The following RARB variants were observed in gnomAD, a reference collection of about 807,000 sequenced individuals.
RARB encodes HBV-activated protein.
RARB carries 17 observed loss-of-function variants against 51.9 expected under a neutral mutation model. The observed-to-expected ratio is 0.33, with a 90% CI of 0.22 to 0.49. The LOEUF (loss-of-function observed/expected upper bound fraction) is 0.49. Among genes scored for constraint, RARB ranks in the 20% least tolerant of loss-of-function variants. RARB has a pLI of 0.99. For synonymous variants in RARB, 215 were observed against 195.4 expected (o/e 1.10, Z -0.84); for missense variants, 369 against 550.8 (o/e 0.67, Z 3.30).
At chr3:25,590,533 G>T (rs1701575187) in intron 5 of RARB, among the ~76,000 whole-genome samples, 1 of 152,114 alleles carries the variant, frequency 6.6e-6, no homozygotes, top group Non-Finnish European at 1.5e-5. Flanking sequence ...TGTGGTGGTG[G>T]TTGTTGAGAC....
At chr3:25,513,115 TA>T (rs11420573) in intron 3 of RARB, among the ~76,000 whole-genome samples, 159 of 98,496 alleles carry the variant, frequency 1.6e-3, no homozygotes, top group Non-Finnish European at 1.5e-3. Context: ...CTGTCTTTAC[TA>T]AAAAAAAAAA....
chr3:24,945,645 C>A (rs1420791414), intron 2 of RARB, among the ~76,000 whole-genome samples: 1 of 152,212 alleles, frequency 6.6e-6, no homozygotes, highest in African/African-American at 2.4e-5. Context: ...CTTGGCGATC[C>A]TCTTTGGCAA....
intron 2 of RARB, among the ~76,000 whole-genome samples, chr3:25,033,868 T>TA (rs1275393931): frequency 6.6e-6 from 1 of 152,242 alleles, no homozygotes; most frequent in African/African-American, 2.4e-5. Context: ...GACAAACGTA[T>TA]ATTCAAGAAC....
intron 3 of RARB, among the ~76,000 whole-genome samples, chr3:25,061,320 A>G (rs1414479734): frequency 1.3e-5 from 2 of 151,912 alleles, no homozygotes; most frequent in Non-Finnish European, 2.9e-5. Context: ...ACTGGGAAGA[A>G]ATAAGGAATT....
chr3:25,534,657 A>G (rs1472777226), intron 3 of RARB, among the ~76,000 whole-genome samples: 1 of 151,640 alleles, frequency 6.6e-6, no homozygotes, highest in African/African-American at 2.4e-5. Flanking sequence ...GTTTTTGTTT[A>G]TTTCTTTTTC....
At chr3:25,086,826 C>A (rs984496555) in intron 3 of RARB, among the ~76,000 whole-genome samples, 1 of 151,998 alleles carries the variant, frequency 6.6e-6, no homozygotes, top group Non-Finnish European at 1.5e-5. Flanking sequence ...GATAAGGGAC[C>A]GTGGAGAACA....
intron 5 of RARB, among the ~76,000 whole-genome samples, chr3:25,342,033 G>T (rs1353910742): frequency 6.6e-6 from 1 of 152,102 alleles, no homozygotes; most frequent in Non-Finnish European, 1.5e-5. Flanking sequence ...TTGTATTGTA[G>T]CACCTATTAC....
chr3:25,010,349 T>C (rs1366116326), intron 2 of RARB, among the ~76,000 whole-genome samples: 1 of 152,132 alleles, frequency 6.6e-6, no homozygotes, highest in Non-Finnish European at 1.5e-5. Flanking sequence ...ATGTAAAGAA[T>C]TGCTATGACA....
chr3:25,432,425 A>G (rs1312257981), intron 1 of RARB, among the ~76,000 whole-genome samples: 1 of 152,226 alleles, frequency 6.6e-6, no homozygotes, highest in Non-Finnish European at 1.5e-5. Flanking sequence ...TTGATTTGCC[A>G]GCCAATAATG....
At chr3:25,330,007 G>A (rs997567261) in intron 5 of RARB, among the ~76,000 whole-genome samples, 5 of 152,162 alleles carry the variant, frequency 3.3e-5, no homozygotes, top group Non-Finnish European at 7.4e-5. Context: ...AAGAAATATG[G>A]GACTATGTGA....
intron 3 of RARB, among the ~76,000 whole-genome samples, chr3:25,080,470 C>T (rs1271302155): frequency 6.6e-6 from 1 of 152,214 alleles, no homozygotes; most frequent in Non-Finnish European, 1.5e-5. Flanking sequence ...AATTTTACAT[C>T]TACCTTTTGA....
intron 5 of RARB, among the ~76,000 whole-genome samples, chr3:25,295,303 T>A (rs1163725339): frequency 6.6e-6 from 1 of 151,838 alleles, no homozygotes; most frequent in East Asian, 1.9e-4. Flanking sequence ...GGTGATGAGG[T>A]TCTGCCTTCA....
At chr3:24,922,522 G>C (rs544443652) in intron 2 of RARB, among the ~76,000 whole-genome samples, 11 of 152,278 alleles carry the variant, frequency 7.2e-5, no homozygotes, top group Non-Finnish European at 1.5e-4. Flanking sequence ...CGAGGAAACT[G>C]AGTTTGACAG....
At chr3:25,133,963 T>TA (rs548061331) in intron 4 of RARB, among the ~76,000 whole-genome samples, 10,000 of 127,552 alleles carry the variant, frequency 0.078, 613 homozygotes, top group African/African-American at 0.18. Context: ...CTGTTTTCAT[T>TA]AAAAAAAAAA....
rs566607423 is a variant in RARB at position 25,337,069 on chromosome 3, C to A, written c.179-124124C>A. The stretch of plus-strand genomic sequence containing the variant: ...CTAGTAGAGCTAAACTCCATTAGAT[C>A]TCAGCATCAGAATGGGATGCCCCTG... On this transcript the variant is annotated intron_variant, in intron 5 of 11. Transcript: ENST00000383772. 5.3e-4 allele frequency among the ~76,000 whole-genome samples: 81 copies of A among 152,290 alleles called. No homozygotes were observed. In the Middle Eastern group the frequency reaches 0.014, roughly 26 times the overall value.
In RARB at chr3:25,352,730, C is replaced by T. The variant is rs369350078; in HGVS notation, c.179-108463C>T. On this transcript the variant is annotated intron_variant, in intron 5 of 11. Transcript: ENST00000383772. ...CAGAGCTCAACTCAAATTTGCAAAC[C>T]TTCTCTTCCATTATTTACTGCATCC... Among the ~76,000 whole-genome samples the T allele has an allele frequency of 2.8e-4, 43 of 152,272 alleles. No homozygotes were observed. The South Asian group carries it at 8.5e-3, about 30-fold the overall frequency.
At chr3:25,152,943 ACTT>A (rs1432124052) in intron 4 of RARB, among the ~76,000 whole-genome samples, 3 of 152,168 alleles carry the variant, frequency 2.0e-5, no homozygotes, top group Admixed American at 6.6e-5. Flanking sequence ...TTTGATACAA[ACTT>A]CTTCTACACA....
chr3:25,036,725 G>A lies in RARB; in HGVS notation c.-379-23400G>A, dbSNP rs563379023. ...TTTGTTTGTAGGGCTGCTTCGGAGA[G>A]CAATGGTCTGGTTAGGATGTCGAAA... On this transcript the variant is annotated intron_variant, in intron 2 of 11. Transcript: ENST00000383772. Among the ~76,000 whole-genome samples, 12 of 152,194 alleles carry A rather than the reference G, an allele frequency of 7.9e-5. No individual in the cohort carries two copies. In the South Asian group the frequency reaches 2.3e-3, roughly 29 times the overall value.
At chr3:25,316,218 G>A (rs1704420798) in intron 5 of RARB, among the ~76,000 whole-genome samples, 1 of 152,004 alleles carries the variant, frequency 6.6e-6, no homozygotes, top group Non-Finnish European at 1.5e-5. Context: ...ACATATTTAT[G>A]TAATTTTTAT....
Sources: allele counts gnomAD v4.1 joint callset (sites outside exome capture counted in the v4.1 genomes callset), GRCh38; gene constraint gnomAD v4.1.1; transcripts MANE v1.5; gene names NCBI Gene and HGNC (gene_info 2026-07-23, HGNC 2026-07-21).